The following CNTN6 variants were observed in gnomAD, a reference collection of about 807,000 sequenced individuals.
The protein encoded by CNTN6 is contactin-6.
CNTN6 carries 137 observed loss-of-function variants against 122.8 expected under a neutral mutation model. The observed-to-expected ratio is 1.12, with a 90% CI of 0.97 to 1.29. The LOEUF is 1.29. Among genes scored for constraint, CNTN6 ranks in the 50% most tolerant of loss-of-function variants. CNTN6 has a pLI of 0.00. For missense variants in CNTN6, 1,634 were observed against 1,223.4 expected (o/e 1.34, Z -5.01); for synonymous variants, 570 against 426.0 (o/e 1.34, Z -4.16).
intron 1 of CNTN6, among the ~76,000 whole-genome samples, chr3:1,102,784 C>T (rs1024224277): frequency 2.0e-5 from 3 of 148,004 alleles, no homozygotes; most frequent in Admixed American, 6.8e-5. Context: ...AATAGGTAGG[C>T]TATATAATAC....
intron 12 of CNTN6, among the ~76,000 whole-genome samples, chr3:1,355,691 C>G (rs1049464861): frequency 8.6e-5 from 13 of 151,578 alleles, no homozygotes; most frequent in African/African-American, 3.1e-4. Context: ...TGTATAGTGA[C>G]CTTAAGAGTA....
At chr3:1,190,991 T>G (rs947584117) in intron 2 of CNTN6, among the ~76,000 whole-genome samples, 10 of 152,224 alleles carry the variant, frequency 6.6e-5, no homozygotes, top group African/African-American at 2.4e-4. Context: ...TCAGAGCATG[T>G]TGAAAGTATT....
intron 5 of CNTN6, among the ~76,000 whole-genome samples, chr3:1,292,333 T>C (rs1311449966): frequency 6.6e-6 from 1 of 152,170 alleles, no homozygotes; most frequent in Non-Finnish European, 1.5e-5. Context: ...AATCAAAGTT[T>C]TATCACTATG....
chr3:1,105,460 CTT>C (rs1245167379), intron 1 of CNTN6, among the ~76,000 whole-genome samples: 10 of 152,116 alleles, frequency 6.6e-5, no homozygotes, highest in Non-Finnish European at 1.5e-4. Flanking sequence ...AGACATTTAA[CTT>C]ATTACATTTT....
intron 11 of CNTN6, among the ~76,000 whole-genome samples, chr3:1,332,155 A>G (rs1702378151): frequency 6.6e-6 from 1 of 151,966 alleles, no homozygotes; most frequent in Non-Finnish European, 1.5e-5. Context: ...GCATTCTTAA[A>G]AGTTGAAAAT....
At chr3:1,301,724 G>A (rs78836158) in intron 7 of CNTN6, among the ~76,000 whole-genome samples, 1 of 139,670 alleles carries the variant, frequency 7.2e-6, no homozygotes, top group Non-Finnish European at 1.5e-5. Context: ...GCATCTGCTC[G>A]GTCAAAGCGG....
At chr3:1,195,011 C>G (rs1466345943) in intron 2 of CNTN6, among the ~76,000 whole-genome samples, 1 of 152,028 alleles carries the variant, frequency 6.6e-6, no homozygotes, top group Non-Finnish European at 1.5e-5. Flanking sequence ...ATAGGCAAAT[C>G]AAACAATCTA....
chr3:1,227,720 G>GT lies in CNTN6; in HGVS notation c.183-92dup, dbSNP rs1575322063. On this transcript the variant is annotated intron_variant, in intron 3 of 22. Transcript: ENST00000446702. Reference sequence around the variant, plus strand: ...TCCACATGTAATCATGTTTTTTGGTGTTTTTTATAGTTGCAGGAATTAGAA... The same window carrying GT: ...TCCACATGTAATCATGTTTTTTGGTGTTTTTTTATAGTTGCAGGAATTAGAA... 19 of 1,291,916 alleles carry GT rather than the reference G, an allele frequency of 1.5e-5. No homozygotes were observed. The East Asian group carries it at 2.8e-4, about 19-fold the overall frequency. The allele number at this position is 1,291,916 out of a possible 1,614,324, so 80.0% of individuals were successfully genotyped here. A position where few individuals can be genotyped will look rare whatever the true frequency, so the allele number is the denominator to read the frequency against.
intron 2 of CNTN6, among the ~76,000 whole-genome samples, chr3:1,174,191 T>C (rs978499213): frequency 1.6e-4 from 24 of 152,334 alleles, no homozygotes; most frequent in African/African-American, 5.5e-4. Context: ...ACCCACACAA[T>C]ACATTCGCTT....
At chr3:1,104,279 A>G (rs1364340621) in intron 1 of CNTN6, among the ~76,000 whole-genome samples, 1 of 152,172 alleles carries the variant, frequency 6.6e-6, no homozygotes, top group Non-Finnish European at 1.5e-5. Context: ...AAACTTGCAT[A>G]GTGAGATGCA....
intron 2 of CNTN6, among the ~76,000 whole-genome samples, chr3:1,190,445 G>A (rs937547065): frequency 2.6e-5 from 4 of 152,058 alleles, no homozygotes; most frequent in Non-Finnish European, 4.4e-5. Flanking sequence ...TACTGAAACC[G>A]CCTTGCTTTT....
At chr3:1,158,849 C>CACACACATATAT (rs1559422218) in intron 2 of CNTN6, among the ~76,000 whole-genome samples, 891 of 54,324 alleles carry the variant, frequency 0.016, 12 homozygotes, top group Non-Finnish European at 0.024. Flanking sequence ...CATATATATA[C>CACACACATATAT]ATACATATAT....
At chr3:1,178,392 C>T (rs1393708403) in intron 2 of CNTN6, among the ~76,000 whole-genome samples, 1 of 152,140 alleles carries the variant, frequency 6.6e-6, no homozygotes, top group Non-Finnish European at 1.5e-5. Flanking sequence ...TTCTTCATCA[C>T]TGCTACTATG....
intron 4 of CNTN6, among the ~76,000 whole-genome samples, chr3:1,250,985 C>G (rs114753516): frequency 0.015 from 2,243 of 152,222 alleles, 74 homozygotes; most frequent in African/African-American, 0.051. Flanking sequence ...GCCCGCACTA[C>G]TCATAACTTC....
chr3:1,233,453 A>G lies in CNTN6; in HGVS notation c.358+5460A>G, dbSNP rs116018513. Among the ~76,000 whole-genome samples the G allele has an allele frequency of 7.3e-3, 1,107 of 152,164 alleles. 14 individuals carry two copies. Among genetic ancestry groups the G allele is most frequent in the African/African-American group, 0.025 (1,048 of 41,532 alleles). ...GAAGTTGTTTATAAAATGTAGTTTGAAGCCAGGCGCGGTGGCTCACGCCTG... is the reference window on the plus strand; with the variant it reads ...GAAGTTGTTTATAAAATGTAGTTTGGAGCCAGGCGCGGTGGCTCACGCCTG... On this transcript the variant is annotated intron_variant, in intron 4 of 22. Transcript: ENST00000446702.
chr3:1,307,074 G>A (rs750055086), intron 7 of CNTN6, among the ~76,000 whole-genome samples: 30 of 152,138 alleles, frequency 2.0e-4, no homozygotes, highest in Non-Finnish European at 2.6e-4. Context: ...TTGGCCCTGG[G>A]AGATAAAGAA....
chr3:1,192,763 C>G (rs1327860631), intron 2 of CNTN6, among the ~76,000 whole-genome samples: 2 of 152,096 alleles, frequency 1.3e-5, no homozygotes, highest in South Asian at 4.1e-4. Context: ...TACAGAAAGC[C>G]TTAAAACTGC....
Position 1,311,781 on chromosome 3 carries a change from G to C in CNTN6, c.762-9869G>C, listed in dbSNP as rs566045301. ...AATTAGTATAATACACTGCATATTT[G>C]TTTGTAAATTTTTTTAATTCTTAAA... On this transcript the variant is annotated intron_variant, in intron 7 of 22. Coordinates refer to ENST00000446702, the MANE Select transcript of CNTN6 (RefSeq NM_001289080.2). Among the ~76,000 whole-genome samples the C allele has an allele frequency of 3.4e-4, 52 of 151,262 alleles. 1 individual carries two copies. Among genetic ancestry groups the C allele is most frequent in the Non-Finnish European group, 1.0e-4 (7 of 67,762 alleles).
intron 3 of CNTN6, among the ~76,000 whole-genome samples, chr3:1,222,740 C>T (rs759776784): frequency 1.3e-5 from 2 of 151,716 alleles, no homozygotes; most frequent in African/African-American, 2.4e-5. Context: ...GGTACATATG[C>T]AGGTTTGTTA....
Sources: gnomAD v4.1 joint callset for allele counts (sites outside exome capture counted in the v4.1 genomes callset) on GRCh38, gnomAD v4.1.1 for gene constraint, MANE v1.5 for transcripts, NCBI Gene and HGNC (gene_info 2026-07-23, HGNC 2026-07-21) for gene names.